ITPR2: variants seen among roughly 807,000 people sequenced by gnomAD.
ITPR2 encodes inositol 1,4,5-trisphosphate-gated calcium channel ITPR2.
Under a neutral mutation model 317.1 loss-of-function variants are expected in ITPR2, and 207 were observed. The ratio of observed to expected loss-of-function variants is 0.65; its 90% CI spans 0.58 to 0.73. The LOEUF is 0.73. Ranked by LOEUF, ITPR2 falls within the 30% of genes least tolerant of loss-of-function variation. ITPR2 has a pLI of 0.00. For missense variants in ITPR2, 2,613 were observed against 3,284.0 expected (o/e 0.80, Z 4.99); for synonymous variants, 1,156 against 1,149.1 (o/e 1.01, Z -0.12).
rs530071119 is a variant in ITPR2, at chr12:26,700,002, T to C, written c.952-4352A>G. On this transcript the variant is annotated intron_variant, in intron 9 of 56. Coordinates refer to ENST00000381340, the MANE Select transcript of ITPR2 (RefSeq NM_002223.4). ...ATAAATATTAATAGAGCATCTATAA[T>C]GGGCAAAGCATTGCGGCATATGGTA... is the stretch of plus-strand genomic sequence containing the variant. Among the ~76,000 whole-genome samples the C allele has an allele frequency of 3.3e-5, 5 of 152,314 alleles. No individual in the cohort carries two copies. The South Asian group carries it at 8.3e-4, about 25-fold the overall frequency.
chr12:26,823,448 A>G (rs1291076975), intron 1 of ITPR2, among the ~76,000 whole-genome samples: 4 of 152,222 alleles, frequency 2.6e-5, no homozygotes, highest in Non-Finnish European at 5.9e-5. Context: ...TAAGTTTTTC[A>G]GATAACAATT....
intron 45 of ITPR2, among the ~76,000 whole-genome samples, chr12:26,445,145 A>AAAGAG (rs1305842478): frequency 1.3e-5 from 2 of 152,196 alleles, no homozygotes; most frequent in South Asian, 2.1e-4. Context: ...GGCATGAAAG[A>AAAGAG]AAGAGAATTA....
intron 13 of ITPR2, among the ~76,000 whole-genome samples, chr12:26,668,745 A>G (rs1231710691): frequency 1.3e-5 from 2 of 152,196 alleles, no homozygotes; most frequent in South Asian, 2.1e-4. Context: ...AAACAAAGCA[A>G]TATATTAAAA....
rs146021470 is a variant in ITPR2 at position 26,376,647 on chromosome 12, T to C, written c.7857+10787A>G. Among the ~76,000 whole-genome samples the C allele has an allele frequency of 3.3e-5, 5 of 152,332 alleles. No individual in the cohort carries two copies. The East Asian group carries it at 9.6e-4, about 29-fold the overall frequency. Reference sequence around the variant, plus strand: ...CTGCTCCTGTCTCTTTGGTTTAATATCTCTGCAGGGCTTCCCTTAACTTTC... The same window carrying C: ...CTGCTCCTGTCTCTTTGGTTTAATACCTCTGCAGGGCTTCCCTTAACTTTC... On this transcript the variant is annotated intron_variant, in intron 55 of 56. Coordinates refer to ENST00000381340, the MANE Select transcript of ITPR2 (RefSeq NM_002223.4).
intron 13 of ITPR2, among the ~76,000 whole-genome samples, chr12:26,670,388 T>G (rs1389046795): frequency 1.3e-5 from 2 of 152,132 alleles, no homozygotes; most frequent in Non-Finnish European, 2.9e-5. Context: ...CACTCACGGT[T>G]CACGAAAAAC....
intron 2 of ITPR2, among the ~76,000 whole-genome samples, chr12:26,776,947 G>A (rs1355803833): frequency 6.6e-6 from 1 of 152,124 alleles, no homozygotes; most frequent in East Asian, 1.9e-4. Flanking sequence ...AGAATTGCTT[G>A]AGTTTTCTAA....
chr12:26,702,715 C>G (rs1310310466), intron 9 of ITPR2, among the ~76,000 whole-genome samples: 2 of 152,154 alleles, frequency 1.3e-5, no homozygotes, highest in South Asian at 2.1e-4. Flanking sequence ...GCTGGGATTA[C>G]AGTCTAGCAC....
At chr12:26,805,477 A>G (rs1950625343) in intron 1 of ITPR2, among the ~76,000 whole-genome samples, 1 of 152,216 alleles carries the variant, frequency 6.6e-6, no homozygotes, top group African/African-American at 2.4e-5. Flanking sequence ...TGTTGAAAGA[A>G]GTTCACCAGT....
intron 52 of ITPR2, among the ~76,000 whole-genome samples, chr12:26,409,768 A>G (rs1940479784): frequency 6.6e-6 from 1 of 152,208 alleles, no homozygotes; most frequent in Admixed American, 6.5e-5. Flanking sequence ...ATCCATACGG[A>G]CACCATGAGG....
At chr12:26,366,204 T>C (rs1939004528) in intron 55 of ITPR2, among the ~76,000 whole-genome samples, 2 of 152,170 alleles carry the variant, frequency 1.3e-5, no homozygotes, top group South Asian at 2.1e-4. Context: ...TAATGGCTAA[T>C]GATAGCAACA....
chr12:26,727,192 CAACTACA>C (rs953146333), intron 2 of ITPR2, among the ~76,000 whole-genome samples: 2 of 152,148 alleles, frequency 1.3e-5, no homozygotes, highest in African/African-American at 4.8e-5. Context: ...TGTATCTTAG[CAACTACA>C]AAGAGAATTT....
chr12:26,496,568 C>T (rs1423012125), intron 37 of ITPR2, among the ~76,000 whole-genome samples: 3 of 152,140 alleles, frequency 2.0e-5, no homozygotes, highest in Non-Finnish European at 4.4e-5. Flanking sequence ...ATTTCCTTAC[C>T]TGTGTCTTGA....
chr12:26,496,284 G>A (rs1450988945), intron 37 of ITPR2, among the ~76,000 whole-genome samples: 1 of 152,138 alleles, frequency 6.6e-6, no homozygotes, highest in African/African-American at 2.4e-5. Context: ...TTCAACTCTT[G>A]GCTACAAAAT....
In ITPR2 at chr12:26,600,073, G is replaced by T; in HGVS notation, c.3715C>A (p.His1239Asn). The change falls in exon 29 of 57, where the codon CAT (histidine) becomes AAT (asparagine). Residue 1239 changes from histidine (H) to asparagine (N), a missense_variant. Around this residue, in one of 9 missense-constraint regions of ITPR2, gnomAD observed 817 missense variants for 897.6 expected, o/e 0.91. Coordinates refer to ENST00000381340, the MANE Select transcript of ITPR2 (RefSeq NM_002223.4). ...CGACAGAAATTCTGCAGAAATGTAT[G>T]GGCTAGATTCATTACTTCATTCATC... ...EKMNEVMNLAHTFLQNFCRGN... is the reference protein window; with the variant it reads ...EKMNEVMNLANTFLQNFCRGN... The T allele has an allele frequency of 6.2e-7, 1 of 1,604,670 alleles. No individual in the cohort carries two copies. The highest frequency in any genetic ancestry group is 8.5e-7 in the Non-Finnish European group (1 of 1,171,970).
chr12:26,513,449 T>A (rs1412170204), intron 37 of ITPR2, among the ~76,000 whole-genome samples: 1 of 152,194 alleles, frequency 6.6e-6, no homozygotes, highest in Admixed American at 6.5e-5. Flanking sequence ...TTACCTTAAA[T>A]AATATAGGCC....
intron 9 of ITPR2, among the ~76,000 whole-genome samples, chr12:26,699,972 A>C (rs557824805): frequency 6.6e-6 from 1 of 152,242 alleles, no homozygotes; most frequent in Non-Finnish European, 1.5e-5. Flanking sequence ...TCAATCATTT[A>C]TTCAATAAAT....
At chr12:26,826,871 T>C (rs1951016204) in intron 1 of ITPR2, among the ~76,000 whole-genome samples, 2 of 152,180 alleles carry the variant, frequency 1.3e-5, no homozygotes, top group Admixed American at 6.5e-5. Flanking sequence ...CCAAGAATTC[T>C]GCTATGCTCA....
At chr12:26,453,655 C>T (rs148839795) in intron 45 of ITPR2, among the ~76,000 whole-genome samples, 9 of 152,258 alleles carry the variant, frequency 5.9e-5, no homozygotes, top group Non-Finnish European at 1.3e-4. Flanking sequence ...TCTCACTATT[C>T]CCACACAAGA....
At chr12:26,427,517 A>C (rs1941095445) in intron 49 of ITPR2, among the ~76,000 whole-genome samples, 1 of 152,170 alleles carries the variant, frequency 6.6e-6, no homozygotes, top group Non-Finnish European at 1.5e-5. Flanking sequence ...CATTTGATGA[A>C]AGGTGCCCAC....
Sources: allele counts gnomAD v4.1 joint callset (sites outside exome capture counted in the v4.1 genomes callset), GRCh38; gene constraint gnomAD v4.1.1; regional missense constraint gnomAD v4.1.1; transcripts MANE v1.5; gene names NCBI Gene and HGNC (gene_info 2026-07-23, HGNC 2026-07-21).